SYNJ1: variants seen among roughly 807,000 people sequenced by gnomAD.
The protein encoded by SYNJ1 is polyphosphatidylinositol phosphatase SYNJ1.
In SYNJ1, 78 loss-of-function variants were observed where a neutral mutation model predicts 168.2. That is an observed-to-expected ratio of 0.46 (90% confidence interval 0.39 to 0.56). The LOEUF (loss-of-function observed/expected upper bound fraction) is 0.56, where lower values mean the gene tolerates loss of function less well. SYNJ1 is among the 20% of genes least tolerant of loss of function. The pLI is 0.00. For missense variants in SYNJ1, 1,303 were observed against 1,597.6 expected, an observed-to-expected ratio of 0.82 and a Z score of 3.14; for synonymous variants, 539 against 548.6, an observed-to-expected ratio of 0.98 and a Z score of 0.24.
rs1023774770 is a variant in SYNJ1 at position 32,688,448 on chromosome 21, A to C, written c.790-81T>G. ...AATATCACTGCTTACAATATCTAAC[A>C]ATTTCTTTGCTGAACACACAGTCGT... On this transcript the variant is annotated intron_variant, in intron 6 of 32. Coordinates refer to ENST00000674351, the MANE Select transcript of SYNJ1 (RefSeq NM_203446.3). 3.1e-5 allele frequency: 36 copies of C among 1,169,788 alleles called. No homozygotes were observed. The African/African-American group carries it at 5.3e-4, about 17-fold the overall frequency. The allele number at this position is 1,169,788 out of a possible 1,614,324, so 72.5% of individuals were successfully genotyped here. A position where few individuals can be genotyped will look rare whatever the true frequency, so the allele number is the denominator to read the frequency against.
At chr21:32,674,831 AC>A (rs1429528606) in intron 13 of SYNJ1, among the ~76,000 whole-genome samples, 2 of 152,318 alleles carry the variant, frequency 1.3e-5, no homozygotes, top group East Asian at 3.9e-4. Context: ...CTCTTATGAT[AC>A]CAAGATATAG....
At chr21:32,665,568 G>A (rs61463029) in intron 17 of SYNJ1, among the ~76,000 whole-genome samples, 2,159 of 152,244 alleles carry the variant, frequency 0.014, 70 homozygotes, top group African/African-American at 0.05. Flanking sequence ...CTTCTAACCT[G>A]GAAGCCCCCA....
At chr21:32,714,400 T>C (rs1390633328) in intron 2 of SYNJ1, among the ~76,000 whole-genome samples, 1 of 152,076 alleles carries the variant, frequency 6.6e-6, no homozygotes, top group Non-Finnish European at 1.5e-5. Flanking sequence ...GCGTGGTAAG[T>C]AGAAGCAGAG....
intron 32 of SYNJ1, among the ~76,000 whole-genome samples, chr21:32,632,738 G>A (rs1179430284): frequency 2.0e-5 from 3 of 152,154 alleles, no homozygotes; most frequent in Admixed American, 6.5e-5. Flanking sequence ...AGTAATGTGA[G>A]GCTGGGCGCG....
rs921606190 is a variant in SYNJ1 at position 32,727,980 on chromosome 21, A to C, written c.-57T>G. Reference sequence around the variant, plus strand: ...CGGCTCCTCCTCCTCCTTCTCCCGCAGCCGCCGCCACAGCCGCCGGGAGCG... The same window carrying C: ...CGGCTCCTCCTCCTCCTTCTCCCGCCGCCGCCGCCACAGCCGCCGGGAGCG... On this transcript the variant is annotated 5_prime_UTR_variant, in exon 1 of 33. Coordinates refer to ENST00000674351, the MANE Select transcript of SYNJ1 (RefSeq NM_203446.3). 36 of 1,534,760 alleles carry C rather than the reference A, an allele frequency of 2.3e-5. No homozygotes were observed. The Middle Eastern group carries it at 5.5e-4, about 24-fold the overall frequency.
rs910027099 is a variant in SYNJ1 at position 32,727,993 on chromosome 21, G to A, written c.-70C>T. ...TCCTTCTCCCGCAGCCGCCGCCACA[G>A]CCGCCGGGAGCGTCACTTCCGCTCC... On this transcript the variant is annotated 5_prime_UTR_variant, in exon 1 of 33. Transcript: ENST00000674351. 1.3e-6 allele frequency: 2 copies of A among 1,535,866 alleles called. No homozygotes were observed. The highest frequency in any genetic ancestry group is 1.7e-6 in the Non-Finnish European group (2 of 1,145,998).
intron 21 of SYNJ1, among the ~76,000 whole-genome samples, chr21:32,654,512 T>C (rs1209162691): frequency 4.6e-5 from 7 of 152,186 alleles, no homozygotes; most frequent in South Asian, 2.1e-4. Context: ...TAATCACCAC[T>C]GTAAGCATAC....
chr21:32,657,771 A>G lies in SYNJ1; in HGVS notation c.2406T>C (p.Pro802=). The G allele has an allele frequency of 2.5e-6, 4 of 1,614,194 alleles. No homozygotes were observed. The highest frequency in any genetic ancestry group is 2.5e-6 in the Non-Finnish European group (3 of 1,180,024). Residue 802 remains proline (P), a synonymous_variant, in exon 19 of 33, where the codon CCT becomes CCC. Transcript: ENST00000674351. The part of the protein sequence containing the change: ...DYDTSEKCRT[P]AWTDRVLWRR... ...TCCAAAGGACACGGTCTGTCCAGGCAGGGGTGCGGCACTTTTCACTGGTGT... is the reference window on the plus strand; with the variant it reads ...TCCAAAGGACACGGTCTGTCCAGGCGGGGGTGCGGCACTTTTCACTGGTGT...
chr21:32,723,203 A>C (rs2043313053), intron 2 of SYNJ1, among the ~76,000 whole-genome samples: 1 of 152,198 alleles, frequency 6.6e-6, no homozygotes, highest in Non-Finnish European at 1.5e-5. Flanking sequence ...CCATTGTATG[A>C]GACTATTTTC....
chr21:32,695,023 A>G (rs763247656), intron 5 of SYNJ1, 34 bp downstream of exon 5: 7 of 1,558,258 alleles, frequency 4.5e-6, no homozygotes, highest in Non-Finnish European at 6.1e-6. Flanking sequence ...CTCCTATAAT[A>G]AATTAATTAA....
At chr21:32,723,535 T>C (rs796396176) in intron 2 of SYNJ1, among the ~76,000 whole-genome samples, 13 of 152,296 alleles carry the variant, frequency 8.5e-5, no homozygotes, top group African/African-American at 2.4e-4. Flanking sequence ...GTATGCGTCT[T>C]GGCTGCGAGC....
chr21:32,666,188 T>G, intron 16 of SYNJ1, 53 bp from the exon 17 acceptor site: 1 of 1,548,684 alleles, frequency 6.5e-7, no homozygotes, highest in Non-Finnish European at 8.7e-7. Flanking sequence ...GAGTTCCATG[T>G]GCATAGGAAA....
At position 32,659,215 on chromosome 21, in the gene SYNJ1, CA is replaced by C. The variant is rs767951684; in HGVS notation, c.2305-1344del. Among the ~76,000 whole-genome samples, 197 of 140,982 alleles carry C rather than the reference CA, an allele frequency of 1.4e-3. 1 individual carries two copies. In the East Asian group the frequency reaches 0.032, roughly 23 times the overall value. The allele number at this position is 140,982 out of a possible 152,430, so 92.5% of individuals were successfully genotyped here. A position where few individuals can be genotyped will look rare whatever the true frequency, so the allele number is the denominator to read the frequency against. Reference sequence around the variant, plus strand: ...AAGTCAATAACCACAGGACTTAACCCAAAAAAAAAACAGCCCTAAAGATGAA... The same window carrying C: ...AAGTCAATAACCACAGGACTTAACCCAAAAAAAAACAGCCCTAAAGATGAA... On this transcript the variant is annotated intron_variant, in intron 18 of 32. Coordinates refer to ENST00000674351, the MANE Select transcript of SYNJ1 (RefSeq NM_203446.3).
intron 17 of SYNJ1, among the ~76,000 whole-genome samples, chr21:32,665,341 C>G (rs2040883595): frequency 6.6e-6 from 1 of 152,198 alleles, no homozygotes. Flanking sequence ...TACATAACTC[C>G]CTCACAATTT....
At chr21:32,665,865 A>G in intron 17 of SYNJ1, 78 bp downstream of exon 17, 1 of 1,396,544 alleles carries the variant, frequency 7.2e-7, no homozygotes, top group South Asian at 1.5e-5. Flanking sequence ...AAATTTCCAA[A>G]AACATTGATG....
At chr21:32,632,362 T>G (rs892722025) in intron 32 of SYNJ1, among the ~76,000 whole-genome samples, 2 of 152,080 alleles carry the variant, frequency 1.3e-5, no homozygotes, top group Non-Finnish European at 2.9e-5. Flanking sequence ...GAAAAATAAA[T>G]TTTGAGAGTT....
chr21:32,645,687 G>C lies in SYNJ1; in HGVS notation c.3350C>G (p.Pro1117Arg), dbSNP rs916385193. 3 of 1,506,768 alleles carry C rather than the reference G, an allele frequency of 2.0e-6. No individual in the cohort carries two copies. Among genetic ancestry groups the C allele is most frequent in the Non-Finnish European group, 2.6e-6 (3 of 1,132,758 alleles). 93.3% of individuals were successfully genotyped at this position (1,506,768 alleles called of 1,614,324 possible). A position where few individuals can be genotyped will look rare whatever the true frequency, so the allele number is the denominator to read the frequency against. Residue 1117 changes from proline to arginine, a missense_variant, in exon 25 of 33, where the codon CCC (proline) becomes CGC (arginine). This residue lies in a region of SYNJ1 where 383 missense variants were observed against 388.8 expected (regional missense o/e 0.99). Transcript: ENST00000674351. ...TCTCTGTGGGGGAGCCGGGCGTGTG[G>C]GAGGGGCGACCGGGCGGGGCGGCGG... ...RPPPPRPVAPPTRPAPPQRPP... is the reference protein window; with the variant it reads ...RPPPPRPVAPRTRPAPPQRPP...
At chr21:32,650,047 G>T in intron 23 of SYNJ1, 137 bp downstream of exon 23, 2 of 1,100,226 alleles carry the variant, frequency 1.8e-6, no homozygotes, top group East Asian at 3.0e-5. Context: ...GCCGCACCTG[G>T]CCAAAATACA....
intron 31 of SYNJ1, among the ~76,000 whole-genome samples, chr21:32,635,730 T>C (rs1359665743): frequency 6.6e-6 from 1 of 152,146 alleles, no homozygotes; most frequent in African/African-American, 2.4e-5. Context: ...ATCCAGCTTG[T>C]TTTATCTTAC....
Sources: allele counts gnomAD v4.1 joint callset (sites outside exome capture counted in the v4.1 genomes callset), GRCh38; gene constraint gnomAD v4.1.1; regional missense constraint gnomAD v4.1.1; transcripts MANE v1.5; gene names NCBI Gene and HGNC (gene_info 2026-07-23, HGNC 2026-07-21).